The following OTULIN variants were observed in gnomAD, a reference collection of about 807,000 sequenced individuals.
OTULIN encodes the protein ubiquitin thioesterase otulin.
A neutral mutation model predicts 39.6 loss-of-function variants in OTULIN; 15 were observed. That is an observed-to-expected ratio of 0.38 (90% CI 0.25 to 0.58). The LOEUF (loss-of-function observed/expected upper bound fraction) is 0.58, where lower values mean the gene tolerates loss of function less well. Ranked by LOEUF, OTULIN falls within the 20% of genes least tolerant of loss-of-function variation. The pLI is 0.66. For synonymous variants in OTULIN, 156 were observed against 170.3 expected, an observed-to-expected ratio of 0.92 and a Z score of 0.65; for missense variants, 319 against 445.9, an observed-to-expected ratio of 0.72 and a Z score of 2.56.
chr5:14,676,422 G>T (rs886348593), intron 2 of OTULIN, among the ~76,000 whole-genome samples: 1 of 152,208 alleles, frequency 6.6e-6, no homozygotes. Flanking sequence ...AGCCATTGGA[G>T]TCCTCCTCAG....
At chr5:14,711,293 A>G in the OTULIN span, 79 of 1,613,894 alleles carry the variant, frequency 4.9e-5, 1 homozygote, top group Non-Finnish European at 6.7e-5. Flanking sequence ...TGGCCGACTC[A>G]TTCTCCATCT....
intron 4 of OTULIN, among the ~76,000 whole-genome samples, chr5:14,687,069 GT>G (rs1736404686): frequency 6.6e-6 from 1 of 152,116 alleles, no homozygotes; most frequent in South Asian, 2.1e-4. Context: ...CAGAAACTAG[GT>G]TTTATTTTTC....
At chr5:14,677,457 G>A (rs1281937174) in intron 2 of OTULIN, among the ~76,000 whole-genome samples, 1 of 152,114 alleles carries the variant, frequency 6.6e-6, no homozygotes, top group Admixed American at 6.5e-5. Flanking sequence ...TAGCATCTAC[G>A]TCTTCAGTAA....
intron 1 of OTULIN, among the ~76,000 whole-genome samples, chr5:14,672,745 C>T (rs373033313): frequency 1.3e-5 from 2 of 152,188 alleles, no homozygotes; most frequent in East Asian, 1.9e-4. Context: ...TTGCCTGCCA[C>T]GGATGCCCAT....
chr5:14,667,121 T>C (rs1735869353), intron 1 of OTULIN, among the ~76,000 whole-genome samples: 1 of 152,198 alleles, frequency 6.6e-6, no homozygotes, highest in Non-Finnish European at 1.5e-5. Context: ...GTAGAAGTTT[T>C]GAGATATCCT....
At chr5:14,676,056 A>T (rs556232782) in intron 2 of OTULIN, among the ~76,000 whole-genome samples, 1 of 152,278 alleles carries the variant, frequency 6.6e-6, no homozygotes, top group South Asian at 2.1e-4. Context: ...CCCGTTACAG[A>T]CAAAGATTGA....
rs1401149529 is a variant in OTULIN, at chr5:14,690,180, G to C, written c.736G>C (p.Asp246His). The C allele has an allele frequency of 1.2e-6, 2 of 1,614,120 alleles. No homozygotes were observed. The highest frequency in any genetic ancestry group is 1.7e-6 in the Non-Finnish European group (2 of 1,180,026). ...AAACAGAGCCATTGAACTATATAAT[G>C]ATAAAGAGAAAGGAAAGGAAGTACC... The part of the protein sequence containing the change: ...MLNRAIELYN[D>H]KEKGKEVPFF... Residue 246 changes from aspartate (D) to histidine (H), a missense_variant, in exon 6 of 7, where the codon GAT becomes CAT. Transcript: ENST00000284274. This position sits in a 1 kb window ranked among gnomAD's most constrained non-coding sequence, Gnocchi z 4.5.
intron 1 of OTULIN, among the ~76,000 whole-genome samples, chr5:14,667,411 G>A (rs980110912): frequency 6.6e-6 from 1 of 152,220 alleles, no homozygotes; most frequent in Non-Finnish European, 1.5e-5. Flanking sequence ...GTCGCTCTCT[G>A]TTGCCCAGTT....
intron 4 of OTULIN, among the ~76,000 whole-genome samples, chr5:14,683,601 T>C (rs1736312156): frequency 6.6e-6 from 1 of 152,214 alleles, no homozygotes; most frequent in Non-Finnish European, 1.5e-5. Context: ...ATACCTATGT[T>C]CTTAGCTACT....
chr5:14,679,773 G>C (rs1736199060), intron 3 of OTULIN, among the ~76,000 whole-genome samples: 1 of 152,220 alleles, frequency 6.6e-6, no homozygotes, highest in Non-Finnish European at 1.5e-5. Flanking sequence ...AGCTCTGAGA[G>C]CAGATGATAG....
chr5:14,710,182 GA>G, the OTULIN span: 6 of 152,220 alleles, frequency 3.9e-5, no homozygotes, highest in African/African-American at 1.4e-4. Context: ...TATGACTAAG[GA>G]TAGCAGAACC....
intron 2 of OTULIN, among the ~76,000 whole-genome samples, chr5:14,677,868 T>C (rs532868318): frequency 2.0e-5 from 3 of 152,322 alleles, no homozygotes; most frequent in South Asian, 4.2e-4. Flanking sequence ...GATTACTCAT[T>C]GTTAGAAGTG....
chr5:14,695,772 A>G lies in OTULIN; in HGVS notation c.*2724A>G, dbSNP rs1007310189. ...CATTAGAGAACAAGAAACCAGTAAT[A>G]CATGGTCTCTAACTGATGATTCGGG... On this transcript the variant is annotated 3_prime_UTR_variant, in exon 7 of 7. Coordinates refer to ENST00000284274, the MANE Select transcript of OTULIN (RefSeq NM_138348.6). The G allele has an allele frequency of 6.6e-6, 1 of 152,246 alleles. No homozygotes were observed. Among genetic ancestry groups the G allele is most frequent in the Admixed American group, 6.5e-5 (1 of 15,290 alleles). The allele number at this position is 152,246 out of a possible 1,614,324, so 9.4% of individuals were successfully genotyped here. A position where few individuals can be genotyped will look rare whatever the true frequency, so the allele number is the denominator to read the frequency against.
chr5:14,667,811 A>T (rs1735888646), intron 1 of OTULIN, among the ~76,000 whole-genome samples: 1 of 152,174 alleles, frequency 6.6e-6, no homozygotes. Flanking sequence ...ATGGCTTGAA[A>T]CATAACTTAG....
rs35733488 is a variant in OTULIN, at chr5:14,681,233, CT to C, written c.325-219del. 4.3e-3 allele frequency among the ~76,000 whole-genome samples: 616 copies of C among 142,464 alleles called. 2 individuals are homozygous for C. Among genetic ancestry groups the C allele is most frequent in the African/African-American group, 0.013 (491 of 39,072 alleles). The allele number at this position is 142,464 out of a possible 152,430, so 93.5% of individuals were successfully genotyped here. On this transcript the variant is annotated intron_variant, in intron 3 of 6. Transcript: ENST00000284274. ...TTAGTTTAGCTCTCTTTTTTCTTGC[CT>C]TTTTTTTTTTTAAAAGAGTTTAGGG...
At chr5:14,691,554 C>T (rs1189862992) in intron 6 of OTULIN, among the ~76,000 whole-genome samples, 2 of 150,614 alleles carry the variant, frequency 1.3e-5, no homozygotes, top group Non-Finnish European at 2.9e-5. Context: ...TAAAGTTAGT[C>T]TTTTCCGAGA....
At chr5:14,716,519 A>G in the OTULIN span, among the ~76,000 whole-genome samples, 148 of 151,502 alleles carry the variant, frequency 9.8e-4, no homozygotes, top group African/African-American at 3.3e-3. Context: ...AATAAATAAA[A>G]TAAAAAGTTA....
chr5:14,707,918 T>G, the OTULIN span: 1 of 152,092 alleles, frequency 6.6e-6, no homozygotes, highest in East Asian at 1.9e-4. Flanking sequence ...GGGATGACTG[T>G]TTTTTACCCA....
At chr5:14,666,075 C>T (rs963475343) in intron 1 of OTULIN, among the ~76,000 whole-genome samples, 2 of 152,218 alleles carry the variant, frequency 1.3e-5, no homozygotes, top group Non-Finnish European at 2.9e-5. Context: ...CTCCACGGCC[C>T]GTGCTGGTTC....
Sources: gnomAD v4.1 joint callset for allele counts (sites outside exome capture counted in the v4.1 genomes callset) on GRCh38, gnomAD v4.1.1 for gene constraint, Gnocchi (gnomAD v3.1) non-coding constraint, MANE v1.5 for transcripts, NCBI Gene and HGNC (gene_info 2026-07-23, HGNC 2026-07-21) for gene names.